Variants in SLC25A48 observed in about 807,000 individuals in gnomAD.
The protein encoded by SLC25A48 is solute carrier family 25 member 48.
A neutral mutation model predicts 32.2 loss-of-function variants in SLC25A48; 29 were observed. The observed-to-expected ratio is 0.90, with a 90% CI of 0.67 to 1.23. The LOEUF is 1.23. Ranked by LOEUF, SLC25A48 falls within the 50% of genes most tolerant of loss-of-function variation. SLC25A48 has a pLI of 0.00. For missense variants in SLC25A48, 399 were observed against 422.7 expected (o/e 0.94, Z 0.49); for synonymous variants, 164 against 172.3 (o/e 0.95, Z 0.38).
intron 3 of SLC25A48, among the ~76,000 whole-genome samples, chr5:135,722,472 C>G (rs1437313909): frequency 6.6e-6 from 1 of 152,182 alleles, no homozygotes; most frequent in Non-Finnish European, 1.5e-5. Flanking sequence ...TTTCTCTTTT[C>G]AGACACCTTG....
intron 3 of SLC25A48, among the ~76,000 whole-genome samples, chr5:135,723,086 C>T (rs1754999676): frequency 6.6e-6 from 1 of 152,158 alleles, no homozygotes; most frequent in African/African-American, 2.4e-5. Context: ...AAGGAGCCAG[C>T]CCCTGTGCAC....
chr5:135,747,919 T>C (rs1345782915), intron 3 of SLC25A48, among the ~76,000 whole-genome samples: 1 of 152,226 alleles, frequency 6.6e-6, no homozygotes, highest in African/African-American at 2.4e-5. Context: ...GTCACACGAC[T>C]GGTGGCAGGG....
At chr5:135,709,020 T>C (rs980828044) in intron 3 of SLC25A48, among the ~76,000 whole-genome samples, 6 of 152,192 alleles carry the variant, frequency 3.9e-5, no homozygotes, top group African/African-American at 1.2e-4. Flanking sequence ...GTGATTTTAT[T>C]ATTACAAAAT....
intron 4 of SLC25A48, among the ~76,000 whole-genome samples, chr5:135,855,772 G>A (rs4976375): frequency 0.49 from 73,924 of 152,114 alleles, 20,071 homozygotes; most frequent in East Asian, 0.69. Flanking sequence ...TCATCCAAAA[G>A]CCCAGAGTCC....
At chr5:135,839,408 T>C (rs1758810327) in intron 1 of SLC25A48, among the ~76,000 whole-genome samples, 2 of 152,170 alleles carry the variant, frequency 1.3e-5, no homozygotes, top group Non-Finnish European at 2.9e-5. Context: ...AGCCCCTTTG[T>C]TTTGGCCAAT....
chr5:135,689,941 C>G (rs1032141830), intron 3 of SLC25A48, among the ~76,000 whole-genome samples: 33 of 152,124 alleles, frequency 2.2e-4, no homozygotes, highest in African/African-American at 7.5e-4. Context: ...TTTGTGTCTG[C>G]CTGGGGACTT....
intron 7 of SLC25A48, among the ~76,000 whole-genome samples, chr5:135,882,891 C>A (rs930943811): frequency 3.9e-5 from 6 of 152,194 alleles, no homozygotes; most frequent in South Asian, 2.1e-4. Context: ...CTTATGATAC[C>A]TTTGCTGAAC....
intron 3 of SLC25A48, among the ~76,000 whole-genome samples, chr5:135,778,314 A>G (rs1308201890): frequency 6.6e-6 from 1 of 150,734 alleles, no homozygotes; most frequent in Non-Finnish European, 1.5e-5. Flanking sequence ...ATTGTTCCTA[A>G]TATCCAGGAA....
intron 4 of SLC25A48, among the ~76,000 whole-genome samples, chr5:135,823,542 C>T (rs1264446839): frequency 2.0e-5 from 3 of 152,204 alleles, no homozygotes; most frequent in Non-Finnish European, 4.4e-5. Context: ...TACTTGGTGT[C>T]TACCATATGC....
At chr5:135,851,603 C>CGT (rs1561533157) in intron 3 of SLC25A48, among the ~76,000 whole-genome samples, 3 of 151,888 alleles carry the variant, frequency 2.0e-5, no homozygotes, top group African/African-American at 7.3e-5. Flanking sequence ...TGTATATATG[C>CGT]GTGTGTGTGC....
intron 3 of SLC25A48, among the ~76,000 whole-genome samples, chr5:135,770,497 G>A (rs777396020): frequency 7.3e-5 from 11 of 151,512 alleles, no homozygotes; most frequent in Non-Finnish European, 1.2e-4. Context: ...CAATGTCGCC[G>A]AGGTTGCACA....
At chr5:135,681,276 G>A (rs1753891576) in intron 3 of SLC25A48, among the ~76,000 whole-genome samples, 1 of 152,080 alleles carries the variant, frequency 6.6e-6, no homozygotes, top group African/African-American at 2.4e-5. Flanking sequence ...GCCCAGCTGT[G>A]TTTCATTTAT....
chr5:135,592,196 G>T (rs186384580), intron 1 of SLC25A48, among the ~76,000 whole-genome samples: 1 of 152,188 alleles, frequency 6.6e-6, no homozygotes, highest in African/African-American at 2.4e-5. Context: ...CCTGTCTCCT[G>T]GATTTGGTGA....
chr5:135,820,677 T>C (rs1287816086), intron 4 of SLC25A48, among the ~76,000 whole-genome samples: 1 of 152,258 alleles, frequency 6.6e-6, no homozygotes, highest in African/African-American at 2.4e-5. Flanking sequence ...TTAGAATGTG[T>C]CTATTTTGGT....
chr5:135,767,187 A>AC (rs34320053), intron 3 of SLC25A48, among the ~76,000 whole-genome samples: 59,189 of 143,906 alleles, frequency 0.41, 12,938 homozygotes, highest in Non-Finnish European at 0.49. Flanking sequence ...GGACAGGTAC[A>AC]CCCCCCCCCC....
At chr5:135,650,197 A>C (rs1175144945) in intron 3 of SLC25A48, 1 of 267,524 alleles carries the variant, frequency 3.7e-6, no homozygotes, top group Non-Finnish European at 7.4e-6. Context: ...GTCCAACCTC[A>C]TAGTCCTTGC....
At position 135,781,371 on chromosome 5, in the gene SLC25A48, A is replaced by G. The variant is rs1272041927; in HGVS notation, c.-520-31152A>G. Among the ~76,000 whole-genome samples the G allele has an allele frequency of 1.7e-5, 2 of 116,918 alleles. 1 individual carries two copies. The highest frequency in any genetic ancestry group is 4.2e-5 in the Non-Finnish European group (2 of 47,406). The allele number at this position is 116,918 out of a possible 152,430, so 76.7% of individuals were successfully genotyped here. On this transcript the variant is annotated intron_variant, in intron 3 of 10. Coordinates refer to the SLC25A48 transcript ENST00000646290. ...TCGCGGATGTGTACGCCTCTCTGTGATCTGGTTCATAATATACAGGGGGTA... is the reference window on the plus strand; with the variant it reads ...TCGCGGATGTGTACGCCTCTCTGTGGTCTGGTTCATAATATACAGGGGGTA...
At chr5:135,679,659 C>G (rs1753847375) in intron 3 of SLC25A48, among the ~76,000 whole-genome samples, 1 of 152,186 alleles carries the variant, frequency 6.6e-6, no homozygotes, top group Admixed American at 6.5e-5. Flanking sequence ...TTGCCAATGG[C>G]TTGTGCTTCA....
chr5:135,765,470 C>G (rs1756189200), intron 3 of SLC25A48, among the ~76,000 whole-genome samples: 1 of 151,488 alleles, frequency 6.6e-6, no homozygotes, highest in Non-Finnish European at 1.5e-5. Flanking sequence ...TGTACACCCC[C>G]TTGTGAAATT....
Sources: gnomAD v4.1 joint callset for allele counts (sites outside exome capture counted in the v4.1 genomes callset) on GRCh38, gnomAD v4.1.1 for gene constraint, MANE v1.5 for transcripts, NCBI Gene and HGNC (gene_info 2026-07-23, HGNC 2026-07-21) for gene names.